The following FBXW11 variants were observed in gnomAD, a reference collection of about 807,000 sequenced individuals.
FBXW11 encodes F-box/WD repeat-containing protein 11.
A neutral mutation model predicts 77.6 loss-of-function variants in FBXW11; 19 were observed. The observed-to-expected ratio is 0.24, with a 90% CI of 0.17 to 0.36. The LOEUF is 0.36. Among genes scored for constraint, FBXW11 ranks in the 10% least tolerant of loss-of-function variants. FBXW11 has a pLI of 1.00. For missense variants in FBXW11, 334 were observed against 704.2 expected, an observed-to-expected ratio of 0.47 and a Z score of 5.95; for synonymous variants, 235 against 249.4, an observed-to-expected ratio of 0.94 and a Z score of 0.54.
intron 1 of FBXW11, chr5:171,997,101 A>G: frequency 2.3e-6 from 3 of 1,279,826 alleles, no homozygotes; most frequent in Non-Finnish European, 3.1e-6. Flanking sequence ...CACCAGCGGC[A>G]AAGGACAGCC....
At chr5:172,000,939 C>A (rs1451159196) in intron 1 of FBXW11, among the ~76,000 whole-genome samples, 1 of 152,166 alleles carries the variant, frequency 6.6e-6, no homozygotes, top group Non-Finnish European at 1.5e-5. Flanking sequence ...ATTTGGCAAA[C>A]CTGCACCAAC....
At chr5:171,892,295 C>T (rs934438398) in intron 6 of FBXW11, among the ~76,000 whole-genome samples, 3 of 152,194 alleles carry the variant, frequency 2.0e-5, no homozygotes, top group Admixed American at 6.5e-5. Flanking sequence ...AGACACTAAA[C>T]TAAGTGTATT....
chr5:171,921,107 A>G (rs1189074727), intron 2 of FBXW11, among the ~76,000 whole-genome samples: 3 of 152,224 alleles, frequency 2.0e-5, no homozygotes, highest in Non-Finnish European at 4.4e-5. Flanking sequence ...TTCTTTCTTC[A>G]GAGCATTTCA....
chr5:171,934,676 C>CA (rs34077162), intron 2 of FBXW11, among the ~76,000 whole-genome samples: 2,974 of 68,978 alleles, frequency 0.043, 36 homozygotes, highest in South Asian at 0.081. Flanking sequence ...GACCCTGTCT[C>CA]AAAAAAAAAA....
rs1432142989 is a variant in FBXW11, at chr5:171,952,443, A to ATT, written c.147+5153_147+5154insAA. Among the ~76,000 whole-genome samples the ATT allele has an allele frequency of 7.4e-3, 80 of 10,760 alleles. 4 individuals carry two copies. The highest frequency in any genetic ancestry group is 0.017 in the African/African-American group (78 of 4,562). 7.1% of individuals were successfully genotyped at this position (10,760 alleles called of 152,430 possible). A position where few individuals can be genotyped will look rare whatever the true frequency, so the allele number is the denominator to read the frequency against. On this transcript the variant is annotated intron_variant, in intron 2 of 13. Coordinates refer to ENST00000517395, the MANE Select transcript of FBXW11 (RefSeq NM_001378974.1). The stretch of plus-strand genomic sequence containing the variant: ...CATACATATATATATATATATATAT[A>ATT]TATATTTTTTTTTTTTTTTTTTTTT...
chr5:171,898,867 C>G (rs562598716), intron 6 of FBXW11, 137 bp downstream of exon 6: 1 of 495,828 alleles, frequency 2.0e-6, no homozygotes, highest in South Asian at 3.8e-5. Flanking sequence ...CAACATGACA[C>G]ATTTACTCCA....
intron 1 of FBXW11, among the ~76,000 whole-genome samples, chr5:172,006,169 G>A (rs988298651): frequency 2.0e-5 from 3 of 152,238 alleles, no homozygotes; most frequent in Admixed American, 2.0e-4. Context: ...TGCGACCTAA[G>A]TCTACAGCAT....
At chr5:171,916,610 G>A (rs183062531) in intron 2 of FBXW11, among the ~76,000 whole-genome samples, 134 of 152,290 alleles carry the variant, frequency 8.8e-4, no homozygotes, top group African/African-American at 3.0e-3. Flanking sequence ...ATCTTGAAGG[G>A]ACCTAAGAGT....
chr5:171,943,342 T>C (rs370069190), intron 2 of FBXW11, among the ~76,000 whole-genome samples: 1 of 152,350 alleles, frequency 6.6e-6, no homozygotes, highest in African/African-American at 2.4e-5. Flanking sequence ...TCTAAGTGAA[T>C]GATCTGAATT....
At chr5:171,899,125 T>A (rs1453384968) in intron 5 of FBXW11, 31 bp from the exon 6 acceptor site, 3 of 1,477,656 alleles carry the variant, frequency 2.0e-6, no homozygotes, top group Admixed American at 4.1e-5. Flanking sequence ...GATGTTACAT[T>A]TTTGCACATA....
chr5:171,963,613 G>A (rs1279237303), intron 1 of FBXW11, among the ~76,000 whole-genome samples: 1 of 152,124 alleles, frequency 6.6e-6, no homozygotes, highest in African/African-American at 2.4e-5. Flanking sequence ...CAACTCAGCA[G>A]ATACACAGTT....
chr5:171,917,034 C>T (rs936506587), intron 2 of FBXW11, among the ~76,000 whole-genome samples: 7 of 152,150 alleles, frequency 4.6e-5, no homozygotes, highest in African/African-American at 1.7e-4. Flanking sequence ...GATTCTCCCG[C>T]CTCAGCCTCC....
chr5:171,937,127 A>C (rs1007007483), intron 2 of FBXW11, among the ~76,000 whole-genome samples: 3 of 152,240 alleles, frequency 2.0e-5, no homozygotes, highest in Non-Finnish European at 4.4e-5. Flanking sequence ...GAAAGATGAC[A>C]GTTCTCCCTA....
chr5:171,980,807 CAT>C (rs1432095057), intron 1 of FBXW11, among the ~76,000 whole-genome samples: 10 of 152,128 alleles, frequency 6.6e-5, no homozygotes, highest in Non-Finnish European at 4.4e-5. Context: ...ACATAAGAAA[CAT>C]ATATTTGATC....
chr5:172,006,330 G>A (rs745882761), intron 1 of FBXW11, 128 bp downstream of exon 1: 3 of 766,310 alleles, frequency 3.9e-6, no homozygotes, highest in South Asian at 2.8e-5. Flanking sequence ...AGGGAAGGCT[G>A]GGGGCCCGGG....
At chr5:171,930,082 AAAG>A (rs1458245745) in intron 2 of FBXW11, among the ~76,000 whole-genome samples, 1 of 152,212 alleles carries the variant, frequency 6.6e-6, no homozygotes, top group Non-Finnish European at 1.5e-5. Flanking sequence ...CAGAATAAAA[AAAG>A]AAGGAAACGA....
intron 2 of FBXW11, among the ~76,000 whole-genome samples, chr5:171,929,277 C>T (rs376033665): frequency 1.1e-4 from 16 of 149,152 alleles, no homozygotes; most frequent in South Asian, 6.4e-4. Context: ...AGCTGAGGCA[C>T]AAGAATCACT....
chr5:171,968,045 A>C (rs1183698504), intron 1 of FBXW11, among the ~76,000 whole-genome samples: 1 of 152,024 alleles, frequency 6.6e-6, no homozygotes, highest in Non-Finnish European at 1.5e-5. Context: ...AGCCACCTCT[A>C]AACAGAATAT....
intron 1 of FBXW11, among the ~76,000 whole-genome samples, chr5:171,994,983 A>G (rs1765950827): frequency 6.6e-6 from 1 of 152,244 alleles, no homozygotes; most frequent in Non-Finnish European, 1.5e-5. Flanking sequence ...GGTTGCAGTG[A>G]GCCACAATCT....
Sources: allele counts gnomAD v4.1 joint callset (sites outside exome capture counted in the v4.1 genomes callset), GRCh38; gene constraint gnomAD v4.1.1; transcripts MANE v1.5; gene names NCBI Gene and HGNC (gene_info 2026-07-23, HGNC 2026-07-21).